Variants in RAB27A observed in about 807,000 individuals in gnomAD.
RAB27A encodes RAB27A, member RAS oncogene family.
RAB27A carries 17 observed loss-of-function variants against 20.8 expected under a neutral mutation model. The observed-to-expected ratio is 0.82, with a 90% CI of 0.56 to 1.23. RAB27A has a LOEUF of 1.23. Ranked by LOEUF, RAB27A falls within the 50% of genes most tolerant of loss-of-function variation. The pLI is 0.00. For synonymous variants in RAB27A, 85 were observed against 92.8 expected, an observed-to-expected ratio of 0.92 and a Z score of 0.48; for missense variants, 277 against 266.7, an observed-to-expected ratio of 1.04 and a Z score of -0.27.
At position 55,209,847 on chromosome 15, in the gene RAB27A, T is replaced by C. The variant is rs766902045; in HGVS notation, c.468-4142A>G. On this transcript the variant is annotated intron_variant, in intron 6 of 6. Coordinates refer to ENST00000336787, the MANE Select transcript of RAB27A (RefSeq NM_183235.3). The stretch of plus-strand genomic sequence containing the variant: ...ATATATACATATATGTGTGTACACA[T>C]ATATGTGTGTATATACATATATACA... Among the ~76,000 whole-genome samples the C allele has an allele frequency of 3.0e-3, 261 of 87,554 alleles. 13 individuals carry two copies. Among genetic ancestry groups the C allele is most frequent in the Admixed American group, 3.9e-3 (34 of 8,656 alleles). 57.4% of individuals were successfully genotyped at this position (87,554 alleles called of 152,430 possible).
At chr15:55,262,332 G>A (rs901999454) in intron 2 of RAB27A, among the ~76,000 whole-genome samples, 1 of 151,914 alleles carries the variant, frequency 6.6e-6, no homozygotes, top group South Asian at 2.1e-4. Context: ...ACAATGTCAG[G>A]AGATCCAGAC....
chr15:55,209,841 T>TATATATAC (rs1894855365), intron 6 of RAB27A, among the ~76,000 whole-genome samples: 1 of 112,824 alleles, frequency 8.9e-6, no homozygotes, highest in African/African-American at 4.1e-5. Context: ...TATATGTGTG[T>TATATATAC]ACACATATAT....
intron 1 of RAB27A, among the ~76,000 whole-genome samples, chr15:55,274,794 T>TTACATATATATATA (rs1555399452): frequency 2.3e-4 from 12 of 52,154 alleles, no homozygotes; most frequent in South Asian, 1.8e-3. Flanking sequence ...AATAAATAAA[T>TTACATATATATATA]TATATATATA....
At chr15:55,278,106 T>C (rs1368223249) in intron 1 of RAB27A, among the ~76,000 whole-genome samples, 3 of 152,202 alleles carry the variant, frequency 2.0e-5, no homozygotes, top group African/African-American at 7.2e-5. Context: ...CTTAGAAACA[T>C]AACCTGTAAT....
intron 1 of RAB27A, among the ~76,000 whole-genome samples, chr15:55,278,562 A>C (rs1897934230): frequency 6.6e-6 from 1 of 150,676 alleles, no homozygotes; most frequent in Non-Finnish European, 1.5e-5. Context: ...AGCTCACTGC[A>C]AGCTCCACCT....
At chr15:55,309,219 C>G (rs535769656) in intron 2 of RAB27A, among the ~76,000 whole-genome samples, 1 of 152,302 alleles carries the variant, frequency 6.6e-6, no homozygotes, top group South Asian at 2.1e-4. Context: ...CCTGTTATGC[C>G]AAGGAACCCT....
intron 6 of RAB27A, among the ~76,000 whole-genome samples, chr15:55,222,730 T>C (rs1895630606): frequency 6.6e-6 from 1 of 152,162 alleles, no homozygotes; most frequent in Non-Finnish European, 1.5e-5. Context: ...CTTGGCCTTC[T>C]TGGATTCTGC....
intron 2 of RAB27A, among the ~76,000 whole-genome samples, chr15:55,255,284 C>T (rs748309920): frequency 2.0e-5 from 3 of 152,228 alleles, no homozygotes; most frequent in Non-Finnish European, 4.4e-5. Flanking sequence ...ATAAATCCAT[C>T]CTCCTCGGGG....
intron 2 of RAB27A, among the ~76,000 whole-genome samples, chr15:55,236,560 T>C (rs549493259): frequency 3.5e-4 from 54 of 152,266 alleles, no homozygotes; most frequent in Middle Eastern, 6.8e-3. Flanking sequence ...AAAAATTCAT[T>C]TATATCAGCA....
At chr15:55,310,567 A>C (rs905266701) in intron 2 of RAB27A, among the ~76,000 whole-genome samples, 2 of 152,204 alleles carry the variant, frequency 1.3e-5, no homozygotes, top group Non-Finnish European at 2.9e-5. Context: ...AGCAAGCCCT[A>C]TTAGGCATTC....
At chr15:55,209,503 G>A (rs1319104908) in intron 6 of RAB27A, among the ~76,000 whole-genome samples, 1 of 152,024 alleles carries the variant, frequency 6.6e-6, no homozygotes, top group Non-Finnish European at 1.5e-5. Context: ...ACATTCCATT[G>A]TATATATAAA....
chr15:55,241,447 G>A (rs987960849), intron 2 of RAB27A, among the ~76,000 whole-genome samples: 2 of 151,728 alleles, frequency 1.3e-5, no homozygotes, highest in East Asian at 1.9e-4. Context: ...ACTATGTGGT[G>A]TTAATTGCCT....
intron 6 of RAB27A, among the ~76,000 whole-genome samples, chr15:55,213,974 C>T (rs1252814457): frequency 6.6e-6 from 1 of 152,170 alleles, no homozygotes; most frequent in Non-Finnish European, 1.5e-5. Context: ...TTCCCAGTGC[C>T]AAAAAGGTTG....
At chr15:55,218,471 T>C (rs1895414834) in intron 6 of RAB27A, among the ~76,000 whole-genome samples, 1 of 152,246 alleles carries the variant, frequency 6.6e-6, no homozygotes, top group Admixed American at 6.5e-5. Context: ...GATCAAGCTA[T>C]TTGTACCGCA....
At chr15:55,296,107 G>A (rs2054948263) in intron 2 of RAB27A, among the ~76,000 whole-genome samples, 1 of 151,348 alleles carries the variant, frequency 6.6e-6, no homozygotes, top group Non-Finnish European at 1.5e-5. Flanking sequence ...TGTTGGCCAG[G>A]CTGGTCTCGA....
At chr15:55,258,444 G>A (rs1357416517) in intron 2 of RAB27A, among the ~76,000 whole-genome samples, 1 of 152,112 alleles carries the variant, frequency 6.6e-6, no homozygotes, top group East Asian at 1.9e-4. Flanking sequence ...GCCCCAGAAA[G>A]GCCAGGCCCT....
chr15:55,236,018 G>A (rs1221961886), intron 2 of RAB27A, among the ~76,000 whole-genome samples: 2 of 152,104 alleles, frequency 1.3e-5, no homozygotes, highest in Non-Finnish European at 2.9e-5. Context: ...GGTGGAAAGG[G>A]TGGGAGGCGG....
chr15:55,219,288 C>T (rs1895455445), intron 6 of RAB27A, among the ~76,000 whole-genome samples: 1 of 152,132 alleles, frequency 6.6e-6, no homozygotes, highest in African/African-American at 2.4e-5. Context: ...AAAAATCTTC[C>T]TCTCTTTAGC....
intron 2 of RAB27A, among the ~76,000 whole-genome samples, chr15:55,239,781 T>G (rs1896407684): frequency 6.6e-6 from 1 of 152,078 alleles, no homozygotes; most frequent in African/African-American, 2.4e-5. Context: ...AGACCAGAAT[T>G]CCAAAGAATA....
Sources: allele counts gnomAD v4.1 joint callset (sites outside exome capture counted in the v4.1 genomes callset), GRCh38; gene constraint gnomAD v4.1.1; transcripts MANE v1.5; gene names NCBI Gene and HGNC (gene_info 2026-07-23, HGNC 2026-07-21).